NLRC3: variants seen among roughly 807,000 people sequenced by gnomAD.
The protein encoded by NLRC3 is NLR family CARD domain containing 3, also known as NLR family CARD domain-containing protein 3.
NLRC3 carries 87 observed loss-of-function variants against 91.6 expected under a neutral mutation model. The ratio of observed to expected loss-of-function variants is 0.95; its 90% CI spans 0.80 to 1.14. The LOEUF (loss-of-function observed/expected upper bound fraction) is 1.14. Among genes scored for constraint, NLRC3 ranks in the 50% most tolerant of loss-of-function variants. The pLI is 0.00. For missense variants in NLRC3, 1,577 were observed against 1,418.6 expected, an observed-to-expected ratio of 1.11 and a Z score of -1.79; for synonymous variants, 694 against 625.3, an observed-to-expected ratio of 1.11 and a Z score of -1.64.
Position 3,541,501 on chromosome 16 carries a change from A to T in NLRC3, c.*324T>A. On this transcript the variant is annotated 3_prime_UTR_variant, in exon 20 of 20. Coordinates refer to ENST00000359128, the MANE Select transcript of NLRC3 (RefSeq NM_178844.4). ...AAACATTTTTAAAGGTTGGGGACACATGAAGTCCTCAGGGTGTAAAGCTGG... is the reference window on the plus strand; with the variant it reads ...AAACATTTTTAAAGGTTGGGGACACTTGAAGTCCTCAGGGTGTAAAGCTGG... 3.6e-6 allele frequency: 1 copy of T among 278,374 alleles called. No homozygotes were observed. Among genetic ancestry groups the T allele is most frequent in the Non-Finnish European group, 6.8e-6 (1 of 147,920 alleles). 17.2% of individuals were successfully genotyped at this position (278,374 alleles called of 1,614,324 possible).
At chr16:3,572,808 T>C (rs2040146065) in intron 1 of NLRC3, among the ~76,000 whole-genome samples, 1 of 151,636 alleles carries the variant, frequency 6.6e-6, no homozygotes, top group South Asian at 2.1e-4. Flanking sequence ...AGGTCAGGGG[T>C]TCGAGACCAG....
At chr16:3,565,744 T>TC (rs1258136819) in intron 2 of NLRC3, among the ~76,000 whole-genome samples, 1 of 151,772 alleles carries the variant, frequency 6.6e-6, no homozygotes, top group East Asian at 1.9e-4. Context: ...AACGTACAAC[T>TC]CCAAGAGTGA....
At chr16:3,554,476 C>A (rs1291497034) in intron 8 of NLRC3, among the ~76,000 whole-genome samples, 151 bp from the exon 9 acceptor site, 1 of 152,204 alleles carries the variant, frequency 6.6e-6, no homozygotes, top group Non-Finnish European at 1.5e-5. Context: ...AGCAGTGGAC[C>A]CTTTGCACCA....
rs762051237 is a variant in NLRC3 at position 3,564,458 on chromosome 16, C to T, written c.479G>A (p.Arg160His). The change falls in exon 5 of 20, where the codon CGC becomes CAC. Residue 160 changes from arginine to histidine, a missense_variant. By Grantham distance (29) the Arg-to-His change is conservative (BLOSUM62 0). Coordinates refer to ENST00000359128, the MANE Select transcript of NLRC3 (RefSeq NM_178844.4). This position sits in a 1 kb window ranked among gnomAD's most constrained non-coding sequence, Gnocchi z 5.9. ...GCCGACCTGCCCATGGGCCCAGAGG[C>T]GGACGAAGTGCCTCACCAGGGTGGT... ...GKTTLVRHFV[R>H]LWAHGQVGKD... 21 of 1,612,594 alleles carry T rather than the reference C, an allele frequency of 1.3e-5. No individual in the cohort carries two copies. The East Asian group carries it at 2.9e-4, about 22-fold the overall frequency.
chr16:3,547,974 A>G (rs1258703246), intron 15 of NLRC3, among the ~76,000 whole-genome samples, 161 bp downstream of exon 15: 5 of 152,206 alleles, frequency 3.3e-5, no homozygotes, highest in Non-Finnish European at 7.3e-5. Context: ...CCCGGCCAAT[A>G]TATTTAAAAG....
At chr16:3,548,858 C>A in intron 13 of NLRC3, 105 bp from the exon 14 acceptor site, 1 of 789,510 alleles carries the variant, frequency 1.3e-6, no homozygotes, top group Non-Finnish European at 2.1e-6. Context: ...ACCCAGCCAG[C>A]ACGAGGGGGT....
Position 3,563,431 on chromosome 16 carries a change from G to T in NLRC3, c.1506C>A (p.Ala502=), listed in dbSNP as rs1238482193. The change falls in exon 5 of 20, where the codon GCC becomes GCA. Residue 502 remains alanine, a synonymous_variant. Transcript: ENST00000359128. The part of the protein sequence containing the change: ...LTHFRSAAQR[A]MQAEDGRLDV... Reference sequence around the variant, plus strand: ...CCAGCCTCCCGTCCTCTGCCTGCATGGCCCGCTGGGCTGCGCTCCTGAAAT... The same window carrying T: ...CCAGCCTCCCGTCCTCTGCCTGCATTGCCCGCTGGGCTGCGCTCCTGAAAT... 6.3e-7 allele frequency: 1 copy of T among 1,575,142 alleles called. No homozygotes were observed. Among genetic ancestry groups the T allele is most frequent in the African/African-American group, 1.4e-5 (1 of 74,058 alleles).
chr16:3,570,800 C>T (rs989872864), intron 1 of NLRC3, among the ~76,000 whole-genome samples: 1 of 152,144 alleles, frequency 6.6e-6, no homozygotes, highest in African/African-American at 2.4e-5. Flanking sequence ...AAAAGCCAGT[C>T]ACCGTTGTTG....
Position 3,563,019 on chromosome 16 carries a change from G to A in NLRC3, c.1918C>T (p.Arg640Trp), listed in dbSNP as rs760484790. The A allele has an allele frequency of 3.9e-5, 60 of 1,553,264 alleles. No individual in the cohort carries two copies. The highest frequency in any genetic ancestry group is 1.7e-4 in the East Asian group (7 of 41,308). The change falls in exon 5 of 20, where the codon CGG (arginine) becomes TGG (tryptophan). Residue 640 changes from arginine (R) to tryptophan (W), a missense_variant. By Grantham distance (101) the Arg-to-Trp change is moderately radical. Transcript: ENST00000359128. ...TGCCCTGGTATCCACCTGAGCTTCC[G>A]GCAGTAGAGCAGCTGGGGCAGCAGG... ...QSLLPQLLYC[R>W]KLRLDTNQFQ...
At chr16:3,556,538 T>G (rs2039342961) in intron 8 of NLRC3, among the ~76,000 whole-genome samples, 1 of 151,400 alleles carries the variant, frequency 6.6e-6, no homozygotes, top group Non-Finnish European at 1.5e-5. Flanking sequence ...AGAGTTTCAC[T>G]CTGTCACCCA....
chr16:3,572,961 G>A (rs560848277), intron 1 of NLRC3, among the ~76,000 whole-genome samples: 5 of 144,416 alleles, frequency 3.5e-5, no homozygotes, highest in East Asian at 2.0e-4. Context: ...GCAGTGAGCC[G>A]AGATGGTGCC....
chr16:3,554,274 G>C lies in NLRC3; in HGVS notation c.2235C>G (p.Ala745=). ...RDDGARSMAE[A]LASNRTLSML... is the part of the protein sequence containing the mutation. ...TGGAGAGGGTCCGGTTGGAGGCCAA[G>C]GCCTCAGCCATGGACCTGGCACCAT... The change falls in exon 9 of 20, where the codon GCC becomes GCG. Residue 745 remains alanine, a synonymous_variant. Coordinates refer to ENST00000359128, the MANE Select transcript of NLRC3 (RefSeq NM_178844.4). The C allele has an allele frequency of 6.2e-7, 1 of 1,613,862 alleles. No individual in the cohort carries two copies. Among genetic ancestry groups the C allele is most frequent in the African/African-American group, 1.3e-5 (1 of 75,064 alleles).
In NLRC3 at chr16:3,563,639, G is replaced by T. The variant is rs747775908; in HGVS notation, c.1298C>A (p.Ala433Asp). 3.1e-6 allele frequency: 5 copies of T among 1,611,894 alleles called. No homozygotes were observed. In the African/African-American group the frequency reaches 5.4e-5, roughly 17 times the overall value. ...TCTCTGCAGGAAGCAGCTGCACGGG[G>T]CGCCCTGCAGCAGAGCGAGGTCTAC... ...FGVDLALLQG[A>D]PCSCFLQREE... Residue 433 changes from alanine to aspartate, a missense_variant, in exon 5 of 20, where the codon GCC becomes GAC. Ala to Asp is a moderately radical substitution (Grantham distance 126, BLOSUM62 -2). Transcript: ENST00000359128.
At chr16:3,559,997 C>T (rs943121029) in intron 6 of NLRC3, among the ~76,000 whole-genome samples, 1 of 152,164 alleles carries the variant, frequency 6.6e-6, no homozygotes, top group Non-Finnish European at 1.5e-5. Flanking sequence ...ATGACTTCTT[C>T]AAACTCACAC....
In NLRC3 at chr16:3,569,353, CTCTT is replaced by C. The variant is rs373845898; in HGVS notation, c.-168-2033_-168-2030del. ...ATTCTTCAGCAAGAAGAATTTTTAT[CTCTT>C]TATTTCTGAAAACCATATATATATA... is the stretch of plus-strand genomic sequence containing the variant. On this transcript the variant is annotated intron_variant, in intron 1 of 19. Coordinates refer to ENST00000359128, the MANE Select transcript of NLRC3 (RefSeq NM_178844.4). Among the ~76,000 whole-genome samples the C allele has an allele frequency of 4.8e-4, 59 of 121,984 alleles. No individual in the cohort carries two copies. The East Asian group carries it at 0.013, about 28-fold the overall frequency. The allele number at this position is 121,984 out of a possible 152,430, so 80.0% of individuals were successfully genotyped here.
chr16:3,553,824 C>T (rs1165819856), intron 9 of NLRC3, among the ~76,000 whole-genome samples: 1 of 151,832 alleles, frequency 6.6e-6, no homozygotes, highest in Admixed American at 6.6e-5. Context: ...TCACTGCACC[C>T]TCCGCCTCCC....
At chr16:3,551,411 C>A (rs1166050810) in intron 10 of NLRC3, among the ~76,000 whole-genome samples, 5 of 151,348 alleles carry the variant, frequency 3.3e-5, no homozygotes, top group African/African-American at 1.2e-4. Flanking sequence ...CCCATCCACC[C>A]ATCTATTCAC....
intron 6 of NLRC3, among the ~76,000 whole-genome samples, chr16:3,560,185 C>T (rs2039541601): frequency 6.6e-6 from 1 of 151,956 alleles, no homozygotes. Flanking sequence ...GAGGCTGAGG[C>T]GGATGGATCA....
In NLRC3 at chr16:3,564,899, C is replaced by G. The variant is rs373276167; in HGVS notation, c.138G>C (p.Leu46=). 1.3e-4 allele frequency: 204 copies of G among 1,609,952 alleles called. No individual in the cohort carries two copies. Among genetic ancestry groups the G allele is most frequent in the Non-Finnish European group, 1.7e-4 (197 of 1,179,680 alleles). Residue 46 remains leucine (L), a synonymous_variant, in exon 4 of 20, where the codon CTG becomes CTC. Coordinates refer to ENST00000359128, the MANE Select transcript of NLRC3 (RefSeq NM_178844.4). This position sits in a 1 kb window ranked among gnomAD's most constrained non-coding sequence, Gnocchi z 5.9. The stretch of plus-strand genomic sequence containing the variant: ...CCAGCGGGGCATCCGGTGTCCTATC[C>G]AGGGCCTGCGGGGCCTGGGAGCCTT... The part of the protein sequence containing the change: ...GSQGSQAPQA[L]DRTPDAPLGP...
Sources: gnomAD v4.1 joint callset for allele counts (sites outside exome capture counted in the v4.1 genomes callset) on GRCh38, gnomAD v4.1.1 for gene constraint, Gnocchi (gnomAD v3.1) non-coding constraint, MANE v1.5 for transcripts, NCBI Gene and HGNC (gene_info 2026-07-23, HGNC 2026-07-21) for gene names.